Variants in SLC9B1 observed in about 807,000 individuals in gnomAD.
SLC9B1 encodes the protein solute carrier family 9 member B1, also known as sodium/hydrogen exchanger 9B1.
Under a neutral mutation model 51.7 loss-of-function variants are expected in SLC9B1, and 32 were observed. The observed-to-expected ratio is 0.62, with a 90% CI of 0.47 to 0.83. SLC9B1 has a LOEUF of 0.83. SLC9B1 is among the 40% of genes least tolerant of loss of function. The pLI, the probability that SLC9B1 is intolerant of heterozygous loss-of-function variation, is 0.00. For missense variants in SLC9B1, 406 were observed against 613.2 expected (o/e 0.66, Z 3.57); for synonymous variants, 145 against 212.7 (o/e 0.68, Z 2.77).
At chr4:102,914,835 C>G (rs1395088374) in intron 7 of SLC9B1, among the ~76,000 whole-genome samples, 2 of 152,000 alleles carry the variant, frequency 1.3e-5, no homozygotes, top group African/African-American at 4.8e-5. Flanking sequence ...AAAAAATGAC[C>G]AAAAACTTCT....
chr4:102,897,477 TA>T (rs1472461380), downstream of SLC9B1: 1 of 195,496 alleles, frequency 5.1e-6, no homozygotes, highest in African/African-American at 2.4e-5. Context: ...CTCAGCTCAT[TA>T]ACCAGTACAG....
At chr4:102,916,909 G>T (rs1348972800) in intron 7 of SLC9B1, among the ~76,000 whole-genome samples, 3 of 152,218 alleles carry the variant, frequency 2.0e-5, no homozygotes, top group Non-Finnish European at 4.4e-5. Flanking sequence ...CTGAGTGAGG[G>T]TATATCTGTG....
intron 7 of SLC9B1, among the ~76,000 whole-genome samples, chr4:102,912,643 G>A (rs1735392742): frequency 6.6e-6 from 1 of 152,170 alleles, no homozygotes; most frequent in Admixed American, 6.5e-5. Context: ...CACTTTGGGA[G>A]GCCAAGGCAG....
intron 6 of SLC9B1, among the ~76,000 whole-genome samples, chr4:102,943,178 A>AG (rs1737091799): frequency 6.6e-6 from 1 of 151,578 alleles, no homozygotes; most frequent in Admixed American, 6.6e-5. Flanking sequence ...AAAAAAAAAA[A>AG]TAGATGTTGC....
chr4:102,886,774 C>T lies in SLC9B1; in HGVS notation c.1333-1446G>A, dbSNP rs1034537549. Among the ~76,000 whole-genome samples, 26 of 152,022 alleles carry T rather than the reference C, an allele frequency of 1.7e-4. No homozygotes were observed. The South Asian group carries it at 4.6e-3, about 27-fold the overall frequency. On this transcript the variant is annotated intron_variant, in intron 11 of 11. Transcript: ENST00000394789. ...GAGACACAGGCGTATGCACCACGCCCAGCTAACTTTTGTATTTTTAGTTAG... is the reference window on the plus strand; with the variant it reads ...GAGACACAGGCGTATGCACCACGCCTAGCTAACTTTTGTATTTTTAGTTAG...
chr4:102,973,976 C>T (rs1250312816), intron 3 of SLC9B1, among the ~76,000 whole-genome samples: 3 of 152,094 alleles, frequency 2.0e-5, no homozygotes. Context: ...TGGCTCAGGC[C>T]TGTAATCCCA....
chr4:102,982,214 A>G (rs552602749), intron 3 of SLC9B1, among the ~76,000 whole-genome samples: 1 of 152,178 alleles, frequency 6.6e-6, no homozygotes, highest in South Asian at 2.1e-4. Flanking sequence ...TCAGTTGACA[A>G]TATTTTTGTG....
intron 3 of SLC9B1, 117 bp downstream of exon 3, chr4:102,989,683 A>G (rs1003828204): frequency 1.6e-4 from 97 of 593,124 alleles, no homozygotes; most frequent in Admixed American, 4.3e-5. Flanking sequence ...CTTGTAACAA[A>G]GCTGATCATC....
At chr4:102,925,790 C>CA (rs1317331125) in intron 7 of SLC9B1, among the ~76,000 whole-genome samples, 1 of 151,496 alleles carries the variant, frequency 6.6e-6, no homozygotes, top group Non-Finnish European at 1.5e-5. Flanking sequence ...AGAGACACAA[C>CA]AAAAAAAGAG....
chr4:102,891,269 G>C (rs1461619856), intron 11 of SLC9B1: 2 of 152,142 alleles, frequency 1.3e-5, no homozygotes, highest in African/African-American at 4.8e-5. Context: ...ATTCTAACAA[G>C]TTTGGTTATC....
chr4:102,945,188 A>G lies in SLC9B1; in HGVS notation c.653+5T>C. 1 of 1,571,870 alleles carries G rather than the reference A, an allele frequency of 6.4e-7. No homozygotes were observed. The highest frequency in any genetic ancestry group is 1.9e-5 in the Admixed American group (1 of 53,608). ...TTTCATAAGAAAAAATGAGAAAGAA[A>G]TTACCCTAATAGAAATGCCCATTGC... On this transcript the variant is annotated splice_donor_5th_base_variant and intron_variant, in intron 6 of 11. Coordinates refer to ENST00000296422, the MANE Select transcript of SLC9B1 (RefSeq NM_139173.4).
At chr4:102,892,559 T>C (rs1734302592) in intron 11 of SLC9B1, 1 of 152,188 alleles carries the variant, frequency 6.6e-6, no homozygotes, top group African/African-American at 2.4e-5. Flanking sequence ...TTTCCTTTGG[T>C]TTAAATGCTT....
chr4:102,904,687 A>T (rs1307198401), intron 11 of SLC9B1, among the ~76,000 whole-genome samples: 1 of 151,916 alleles, frequency 6.6e-6, no homozygotes, highest in Non-Finnish European at 1.5e-5. Context: ...CTACAAAAAA[A>T]TCAGAAAAAA....
intron 11 of SLC9B1, among the ~76,000 whole-genome samples, chr4:102,894,472 A>G (rs1489600423): frequency 1.3e-5 from 2 of 152,206 alleles, no homozygotes; most frequent in Non-Finnish European, 2.9e-5. Flanking sequence ...CAAATATTTT[A>G]AAGAGGAATA....
intron 3 of SLC9B1, among the ~76,000 whole-genome samples, chr4:102,979,929 G>C (rs1739268748): frequency 6.6e-6 from 1 of 152,004 alleles, no homozygotes; most frequent in South Asian, 2.1e-4. Flanking sequence ...TTAAAAAGTG[G>C]GTAAAGGACA....
intron 1 of SLC9B1, among the ~76,000 whole-genome samples, chr4:103,006,056 C>T (rs1740766874): frequency 6.6e-6 from 1 of 151,962 alleles, no homozygotes; most frequent in Non-Finnish European, 1.5e-5. Context: ...CAAGAGCAAA[C>T]CAACCCCAAG....
chr4:102,932,587 T>C (rs541558161), intron 6 of SLC9B1, among the ~76,000 whole-genome samples: 7 of 152,252 alleles, frequency 4.6e-5, no homozygotes, highest in Non-Finnish European at 1.0e-4. Context: ...ATTCATAACC[T>C]AACCAGAAAG....
chr4:102,979,544 G>A (rs1386172867), intron 3 of SLC9B1, among the ~76,000 whole-genome samples: 4 of 152,086 alleles, frequency 2.6e-5, no homozygotes, highest in Non-Finnish European at 5.9e-5. Flanking sequence ...TTCCAGACAG[G>A]AGGAGACACG....
At chr4:102,993,052 T>C (rs559380122) in intron 1 of SLC9B1, among the ~76,000 whole-genome samples, 1 of 150,580 alleles carries the variant, frequency 6.6e-6, no homozygotes, top group South Asian at 2.1e-4. Flanking sequence ...CAAGGTGAGA[T>C]TTGGGTGGGG....
Sources: allele counts gnomAD v4.1 joint callset (sites outside exome capture counted in the v4.1 genomes callset), GRCh38; gene constraint gnomAD v4.1.1; transcripts MANE v1.5; gene names NCBI Gene and HGNC (gene_info 2026-07-23, HGNC 2026-07-21).